Variants in BCL2L14 observed in about 807,000 individuals in gnomAD.
BCL2L14 encodes the protein BCL2 like 14, also known as apoptosis facilitator Bcl-2-like protein 14.
BCL2L14 carries 27 observed loss-of-function variants against 35.3 expected under a neutral mutation model. The observed-to-expected ratio is 0.76, with a 90% confidence interval of 0.56 to 1.05. The LOEUF (loss-of-function observed/expected upper bound fraction) is 1.05. Ranked by LOEUF, BCL2L14 falls within the 50% of genes least tolerant of loss-of-function variation. The pLI is 0.00. For synonymous variants in BCL2L14, 139 were observed against 145.9 expected, an observed-to-expected ratio of 0.95 and a Z score of 0.34; for missense variants, 377 against 382.6, an observed-to-expected ratio of 0.99 and a Z score of 0.12.
chr12:12,070,935 A>C (rs1591813504), upstream of BCL2L14: 1 of 152,290 alleles, frequency 6.6e-6, no homozygotes, highest in East Asian at 1.9e-4. Flanking sequence ...CTCCTTCTTT[A>C]AGCCTCTTTT....
At chr12:12,067,991 G>A (rs1161254095), upstream of BCL2L14, 2 of 377,492 alleles carry the variant, frequency 5.3e-6, no homozygotes, top group Non-Finnish European at 9.4e-6. Context: ...TGAGTGCAGT[G>A]GTGCCATCAT....
upstream of BCL2L14, among the ~76,000 whole-genome samples, chr12:12,070,466 C>T (rs948050984): frequency 6.6e-6 from 1 of 152,144 alleles, no homozygotes; most frequent in Non-Finnish European, 1.5e-5. Flanking sequence ...GGGCAGACCA[C>T]CTGAGGCCAG....
At chr12:12,084,298 G>A (rs1468338498) in intron 2 of BCL2L14, among the ~76,000 whole-genome samples, 1 of 152,140 alleles carries the variant, frequency 6.6e-6, no homozygotes, top group Non-Finnish European at 1.5e-5. Context: ...ACTGCCCCCA[G>A]CTTCTGACAT....
intron 1 of BCL2L14, among the ~76,000 whole-genome samples, chr12:12,075,592 A>G (rs1948765010): frequency 6.6e-6 from 1 of 151,392 alleles, no homozygotes; most frequent in Non-Finnish European, 1.5e-5. Flanking sequence ...TGCCTGGCTA[A>G]TTTTGTATTT....
rs1415135538 is a variant in BCL2L14 at position 12,079,527 on chromosome 12, C to T, written c.222C>T (p.Cys74=). The T allele has an allele frequency of 6.2e-7, 1 of 1,614,174 alleles. No homozygotes were observed. Among genetic ancestry groups the T allele is most frequent in the African/African-American group, 1.3e-5 (1 of 75,038 alleles). Residue 74 remains cysteine, a synonymous_variant, in exon 2 of 6, where the codon TGC becomes TGT. Transcript: ENST00000308721. The part of the protein sequence containing the change: ...NESWTEVSWP[C]RNSQSSEKAI... ...CATGGACAGAGGTGTCATGGCCTTG[C>T]AGAAATTCCCAATCCAGTGAGAAGG...
intron 4 of BCL2L14, among the ~76,000 whole-genome samples, chr12:12,091,059 G>A (rs1949179054): frequency 6.6e-6 from 1 of 152,136 alleles, no homozygotes; most frequent in South Asian, 2.1e-4. Flanking sequence ...AAACCTTCTG[G>A]AGCCTCCTTG....
At chr12:12,052,929 G>A (rs1948378149) in intron 2 of BCL2L14, among the ~76,000 whole-genome samples, 1 of 152,218 alleles carries the variant, frequency 6.6e-6, no homozygotes, top group African/African-American at 2.4e-5. Flanking sequence ...AGGGAGTGAG[G>A]TGTGTGTTTG....
chr12:12,089,453 C>T (rs36047825), intron 3 of BCL2L14, among the ~76,000 whole-genome samples: 1 of 151,198 alleles, frequency 6.6e-6, no homozygotes, highest in Non-Finnish European at 1.5e-5. Context: ...CCCAGCACTT[C>T]GAGAGGCCGA....
At chr12:12,055,680 C>T (rs1641715) in intron 2 of BCL2L14, 133,295 of 151,892 alleles carry the variant, frequency 0.88, 58,653 homozygotes, top group East Asian at 0.98. Context: ...ACTGTTTTCT[C>T]TGGTAGAGAA....
chr12:12,068,234 TG>T (rs146108240), upstream of BCL2L14: 1,120 of 398,450 alleles, frequency 2.8e-3, 3 homozygotes, highest in African/African-American at 0.021. Context: ...TATGAGCCAC[TG>T]TGCATGACCA....
At chr12:12,067,221 C>T (rs1223465093), upstream of BCL2L14, among the ~76,000 whole-genome samples, 1 of 151,834 alleles carries the variant, frequency 6.6e-6, no homozygotes. Context: ...AATGATGTCG[C>T]CACTAAAAAA....
chr12:12,071,423 T>G (rs1273756468), intron 1 of BCL2L14: 1 of 152,224 alleles, frequency 6.6e-6, no homozygotes, highest in Non-Finnish European at 1.5e-5. Flanking sequence ...TTGAGGTATG[T>G]GACGTTACTC....
chr12:12,095,190 A>G (rs1949288629), intron 5 of BCL2L14: 1 of 985,244 alleles, frequency 1.0e-6, no homozygotes, highest in Admixed American at 6.2e-5. Context: ...TGGAACAGGA[A>G]ATGAGGAGAT....
chr12:12,098,793 C>G (rs900030868), intron 5 of BCL2L14, among the ~76,000 whole-genome samples, 157 bp from the exon 6 acceptor site: 3 of 152,146 alleles, frequency 2.0e-5, no homozygotes, highest in Admixed American at 6.5e-5. Flanking sequence ...TGCAGGCATA[C>G]CAAGAATGCC....
chr12:12,091,600 GA>G (rs2136775613), intron 4 of BCL2L14, among the ~76,000 whole-genome samples: 1 of 152,340 alleles, frequency 6.6e-6, no homozygotes, highest in South Asian at 2.1e-4. Context: ...TGGGGGTGGG[GA>G]TGGGAGGTTC....
upstream of BCL2L14, among the ~76,000 whole-genome samples, chr12:12,069,226 CTT>C (rs1379642216): frequency 6.6e-6 from 1 of 152,154 alleles, no homozygotes; most frequent in Non-Finnish European, 1.5e-5. Context: ...CTGAAGAACT[CTT>C]GTCTCATCAC....
chr12:12,093,522 G>A (rs184473292), intron 4 of BCL2L14, among the ~76,000 whole-genome samples: 50 of 152,274 alleles, frequency 3.3e-4, no homozygotes, highest in Non-Finnish European at 5.9e-4. Flanking sequence ...TACGGGCACA[G>A]TGGCCCACAC....
At chr12:12,085,801 T>C (rs1313884693) in intron 2 of BCL2L14, among the ~76,000 whole-genome samples, 1 of 152,100 alleles carries the variant, frequency 6.6e-6, no homozygotes, top group Non-Finnish European at 1.5e-5. Flanking sequence ...TGTGGCTCAG[T>C]CCCTCCCAGG....
At chr12:12,077,053 T>C (rs1457938163) in intron 1 of BCL2L14, among the ~76,000 whole-genome samples, 1 of 152,218 alleles carries the variant, frequency 6.6e-6, no homozygotes, top group African/African-American at 2.4e-5. Flanking sequence ...TCAAACCCTG[T>C]CTGCAGTTAC....
Sources: allele counts gnomAD v4.1 joint callset (sites outside exome capture counted in the v4.1 genomes callset), GRCh38; gene constraint gnomAD v4.1.1; transcripts MANE v1.5; gene names NCBI Gene and HGNC (gene_info 2026-07-23, HGNC 2026-07-21).